Variants in PTPN13 observed in about 807,000 individuals in gnomAD.
The protein encoded by PTPN13 is protein tyrosine phosphatase non-receptor type 13.
In PTPN13, 191 loss-of-function variants were observed where a neutral mutation model predicts 284.0. The observed-to-expected ratio is 0.67, with a 90% CI of 0.60 to 0.76. The LOEUF is 0.76. PTPN13 is among the 30% of genes least tolerant of loss of function. PTPN13 has a pLI of 0.00. For missense variants in PTPN13, 2,797 were observed against 2,939.9 expected, an observed-to-expected ratio of 0.95 and a Z score of 1.12; for synonymous variants, 986 against 1,022.3, an observed-to-expected ratio of 0.96 and a Z score of 0.68.
In PTPN13 at chr4:86,814,578, C is replaced by A; in HGVS notation, c.*27C>A. Reference sequence around the variant, plus strand: ...ATGAAAAGAGCCTCTGGATGCATTTCCATTTCTCTCCTTAACCTCCAGCAG... The same window carrying A: ...ATGAAAAGAGCCTCTGGATGCATTTACATTTCTCTCCTTAACCTCCAGCAG... On this transcript the variant is annotated 3_prime_UTR_variant, in exon 48 of 48. Coordinates refer to ENST00000411767, the MANE Select transcript of PTPN13 (RefSeq NM_080683.3). 1 of 1,550,560 alleles carries A rather than the reference C, an allele frequency of 6.4e-7. No homozygotes were observed. The highest frequency in any genetic ancestry group is 8.9e-7 in the Non-Finnish European group (1 of 1,123,626).
intron 2 of PTPN13, among the ~76,000 whole-genome samples, chr4:86,656,321 G>A (rs1447657257): frequency 1.3e-5 from 2 of 152,142 alleles, no homozygotes; most frequent in African/African-American, 4.8e-5. Context: ...AGGCCCTCTG[G>A]TTTTTAGAAT....
At chr4:86,803,275 T>C (rs1277196045) in intron 42 of PTPN13, among the ~76,000 whole-genome samples, 2 of 150,706 alleles carry the variant, frequency 1.3e-5, no homozygotes, top group African/African-American at 4.9e-5. Flanking sequence ...TATATAAATA[T>C]ATAAAATAAA....
Position 86,814,494 on chromosome 4 carries a change from C to A in PTPN13, c.7401C>A (p.Val2467=). Residue 2467 remains valine (V), a synonymous_variant, in exon 48 of 48, where the codon GTC becomes GTA. Transcript: ENST00000411767. Reference sequence around the variant, plus strand: ...TCTGCTATCAAGTCATCCTTTATGTCCTGACACGTCTTCAAGCAGAAGAAG... The same window carrying A: ...TCTGCTATCAAGTCATCCTTTATGTACTGACACGTCTTCAAGCAGAAGAAG... ...YIFCYQVILY[V]LTRLQAEEEQ... The A allele has an allele frequency of 6.2e-7, 1 of 1,612,738 alleles. No individual in the cohort carries two copies. Among genetic ancestry groups the A allele is most frequent in the Non-Finnish European group, 8.5e-7 (1 of 1,179,444 alleles).
chr4:86,630,325 C>G (rs765682930), intron 1 of PTPN13, among the ~76,000 whole-genome samples: 1 of 152,048 alleles, frequency 6.6e-6, no homozygotes, highest in Non-Finnish European at 1.5e-5. Context: ...TTATGTATAG[C>G]AAGCCTTTAA....
intron 1 of PTPN13, among the ~76,000 whole-genome samples, chr4:86,617,531 C>T (rs1418000225): frequency 6.6e-6 from 1 of 152,124 alleles, no homozygotes; most frequent in Non-Finnish European, 1.5e-5. Flanking sequence ...CCCATTAACT[C>T]ATCATTTAGC....
At chr4:86,803,355 C>T (rs1232321683) in intron 42 of PTPN13, among the ~76,000 whole-genome samples, 1 of 151,898 alleles carries the variant, frequency 6.6e-6, no homozygotes, top group Non-Finnish European at 1.5e-5. Flanking sequence ...CTTGGGGAAG[C>T]CAAGACAGGA....
intron 36 of PTPN13, among the ~76,000 whole-genome samples, chr4:86,780,760 A>G (rs1741209423): frequency 6.6e-6 from 1 of 152,240 alleles, no homozygotes; most frequent in Non-Finnish European, 1.5e-5. Flanking sequence ...TATCCAAACA[A>G]TGAAAAGCTA....
At chr4:86,752,279 A>G (rs1319979256) in intron 19 of PTPN13, among the ~76,000 whole-genome samples, 1 of 152,164 alleles carries the variant, frequency 6.6e-6, no homozygotes, top group African/African-American at 2.4e-5. Flanking sequence ...TTTATTCTAT[A>G]ATTGGATTCA....
intron 1 of PTPN13, among the ~76,000 whole-genome samples, chr4:86,625,820 G>A (rs1721774018): frequency 6.6e-6 from 1 of 152,134 alleles, no homozygotes; most frequent in Non-Finnish European, 1.5e-5. Flanking sequence ...ATCGCAGAAT[G>A]CTGCTTAGCA....
At position 86,769,806 on chromosome 4, in the gene PTPN13, A is replaced by G. The variant is rs756122218; in HGVS notation, c.4527A>G (p.Ser1509=). The G allele has an allele frequency of 5.6e-6, 9 of 1,607,100 alleles. No homozygotes were observed. Among genetic ancestry groups the G allele is most frequent in the Non-Finnish European group, 7.6e-6 (9 of 1,177,438 alleles). The change falls in exon 29 of 48, where the codon TCA becomes TCG. Residue 1509 remains serine (S), a synonymous_variant. Coordinates refer to ENST00000411767, the MANE Select transcript of PTPN13 (RefSeq NM_080683.3). Reference sequence around the variant, plus strand: ...AGGTAAAATTATTTAAAAATAGCTCAGGTCTAGGATTCAGTTTTTCTCGAG... The same window carrying G: ...AGGTAAAATTATTTAAAAATAGCTCGGGTCTAGGATTCAGTTTTTCTCGAG... ...TFEVKLFKNS[S]GLGFSFSRED...
At chr4:86,619,520 G>A (rs543106372) in intron 1 of PTPN13, among the ~76,000 whole-genome samples, 9 of 152,148 alleles carry the variant, frequency 5.9e-5, no homozygotes, top group African/African-American at 2.2e-4. Context: ...CAAATCTTCA[G>A]GCCTTTCATT....
At chr4:86,694,408 C>T (rs971664931) in intron 6 of PTPN13, among the ~76,000 whole-genome samples, 13 of 150,776 alleles carry the variant, frequency 8.6e-5, no homozygotes, top group African/African-American at 3.2e-4. Flanking sequence ...TAGTGAAATC[C>T]CATCTCTCTA....
chr4:86,694,540 T>C (rs1205065954), intron 6 of PTPN13, among the ~76,000 whole-genome samples: 3 of 136,458 alleles, frequency 2.2e-5, no homozygotes, highest in Admixed American at 8.1e-5. Flanking sequence ...ATCACACCAC[T>C]GTGCTCCAGC....
chr4:86,666,324 G>A (rs113563835), intron 2 of PTPN13, among the ~76,000 whole-genome samples: 7,083 of 152,226 alleles, frequency 0.047, 222 homozygotes, highest in African/African-American at 0.061. Flanking sequence ...TAAGGACAGG[G>A]ACACACATAA....
chr4:86,765,492 T>TA lies in PTPN13; in HGVS notation c.4243+5dup, dbSNP rs1565519813. 1 of 1,560,360 alleles carries TA rather than the reference T, an allele frequency of 6.4e-7. No homozygotes were observed. The highest frequency in any genetic ancestry group is 8.7e-7 in the Non-Finnish European group (1 of 1,147,738). On this transcript the variant is annotated splice_donor_region_variant and intron_variant, in intron 26 of 47. Coordinates refer to ENST00000411767, the MANE Select transcript of PTPN13 (RefSeq NM_080683.3). ...TCTGATGGTAGAATTCACAAAGGTA[T>TA]AGTGTTTATATTATGTGGGAATTAT... is the stretch of plus-strand genomic sequence containing the variant.
At chr4:86,638,881 G>A (rs1723384539) in intron 2 of PTPN13, among the ~76,000 whole-genome samples, 1 of 152,278 alleles carries the variant, frequency 6.6e-6, no homozygotes, top group South Asian at 2.1e-4. Context: ...ACTACCATCA[G>A]GGTGAACAGG....
chr4:86,708,957 T>C (rs1732069854), intron 7 of PTPN13, among the ~76,000 whole-genome samples: 2 of 151,706 alleles, frequency 1.3e-5, no homozygotes, highest in Admixed American at 1.3e-4. Context: ...TTTTTCTTTC[T>C]CTCCTCCCCA....
chr4:86,711,929 T>C (rs907290851), intron 7 of PTPN13, among the ~76,000 whole-genome samples: 1 of 152,182 alleles, frequency 6.6e-6, no homozygotes, highest in Non-Finnish European at 1.5e-5. Flanking sequence ...AATTTTGGCA[T>C]TCAGAAAACT....
intron 23 of PTPN13, 24 bp downstream of exon 23, chr4:86,759,097 T>A: frequency 6.2e-7 from 1 of 1,604,040 alleles, no homozygotes; most frequent in Non-Finnish European, 8.5e-7. Context: ...CTCTTACTTA[T>A]GTATTCTGTT....
Sources: allele counts gnomAD v4.1 joint callset (sites outside exome capture counted in the v4.1 genomes callset), GRCh38; gene constraint gnomAD v4.1.1; transcripts MANE v1.5; gene names NCBI Gene and HGNC (gene_info 2026-07-23, HGNC 2026-07-21).